AHNAK2: variants seen among roughly 807,000 people sequenced by gnomAD.
The protein encoded by AHNAK2 is protein AHNAK2.
AHNAK2 carries 18 observed loss-of-function variants against 30.7 expected under a neutral mutation model. The observed-to-expected ratio is 0.59, with a 90% confidence interval of 0.41 to 0.87. The LOEUF is 0.87. Among genes scored for constraint, AHNAK2 ranks in the 40% least tolerant of loss-of-function variants. The pLI is 0.00. For synonymous variants in AHNAK2, 3,590 were observed against 3,073.8 expected, an observed-to-expected ratio of 1.17 and a Z score of -5.56; for missense variants, 8,604 against 7,373.0, an observed-to-expected ratio of 1.17 and a Z score of -6.11.
chr14:104,948,029 C>G lies in AHNAK2; in HGVS notation c.7422G>C (p.Lys2474Asn), dbSNP rs1313489780. ...WLEGDLSVADKDVTTKDSRFK... is the reference protein window; with the variant it reads ...WLEGDLSVADNDVTTKDSRFK... Reference sequence around the variant, plus strand: ...ACCTGCTGTCTTTGGTAGTCACATCCTTGTCCGCCACAGACAGGTCCCCCT... The same window carrying G: ...ACCTGCTGTCTTTGGTAGTCACATCGTTGTCCGCCACAGACAGGTCCCCCT... The change falls in exon 7 of 7, where the codon AAG becomes AAC. Residue 2474 changes from lysine (K) to asparagine (N), a missense_variant. Lys to Asn is a moderately conservative substitution (Grantham distance 94). Coordinates refer to ENST00000333244, the MANE Select transcript of AHNAK2 (RefSeq NM_138420.4). The G allele has an allele frequency of 6.2e-7, 1 of 1,612,796 alleles. No homozygotes were observed. The highest frequency in any genetic ancestry group is 2.2e-5 in the East Asian group (1 of 44,798).
chr14:104,941,713 C>T lies in AHNAK2; in HGVS notation c.13738G>A (p.Ala4580Thr), dbSNP rs751510737. 2 of 1,613,680 alleles carry T rather than the reference C, an allele frequency of 1.2e-6. No homozygotes were observed. Among genetic ancestry groups the T allele is most frequent in the Non-Finnish European group, 8.5e-7 (1 of 1,179,878 alleles). ...TCCACATCGGGGGCCATCACCTCTGCCTTTGGGCCTTTCAGGTCCAGCTTG... is the reference window on the plus strand; with the variant it reads ...TCCACATCGGGGGCCATCACCTCTGTCTTTGGGCCTTTCAGGTCCAGCTTG... The part of the protein sequence containing the change: ...GPKLDLKGPK[A>T]EVMAPDVEVS... The change falls in exon 7 of 7, where the codon GCA becomes ACA. Residue 4580 changes from alanine (A) to threonine (T), a missense_variant. Transcript: ENST00000333244.
Position 104,955,599 on chromosome 14 carries a change from G to A in AHNAK2, c.350C>T (p.Thr117Ile). ...VQEATEVTLK[T>I]EVEAGASGYS... Reference sequence around the variant, plus strand: ...GCCACTGGCTCCTGCCTCCACCTCTGTCTTCAGCGTCACCTCTGTTGCCTC... The same window carrying A: ...GCCACTGGCTCCTGCCTCCACCTCTATCTTCAGCGTCACCTCTGTTGCCTC... The change falls in exon 5 of 7, where the codon ACA becomes ATA. Residue 117 changes from threonine (T) to isoleucine (I), a missense_variant. Physicochemically the swap from Thr to Ile is moderately conservative, Grantham distance 89 (BLOSUM62 -1). Transcript: ENST00000333244. 6.2e-7 allele frequency: 1 copy of A among 1,613,660 alleles called. No homozygotes were observed. The highest frequency in any genetic ancestry group is 8.5e-7 in the Non-Finnish European group (1 of 1,179,802).
At chr14:104,972,640 C>T (rs963239295) in intron 1 of AHNAK2, among the ~76,000 whole-genome samples, 35 of 152,238 alleles carry the variant, frequency 2.3e-4, no homozygotes, top group African/African-American at 6.0e-4. Context: ...CAGTGTGGTC[C>T]GCCAAGCCCT....
chr14:104,956,499 C>T, intron 4 of AHNAK2, 89 bp downstream of exon 4: 6 of 1,367,302 alleles, frequency 4.4e-6, no homozygotes, highest in Non-Finnish European at 5.2e-6. Flanking sequence ...CTCTTTGCTC[C>T]TCCCCTGCCT....
Position 104,937,312 on chromosome 14 carries a change from A to G in AHNAK2, c.*751T>C, listed in dbSNP as rs572123055. On this transcript the variant is annotated 3_prime_UTR_variant, in exon 7 of 7. Coordinates refer to ENST00000333244, the MANE Select transcript of AHNAK2 (RefSeq NM_138420.4). ...GAACAGCCAAGCCAGCTCCATCTGC[A>G]TTCTGGCTGCAGCGTGTACATTAGG... is the stretch of plus-strand genomic sequence containing the variant. 103 of 152,386 alleles carry G rather than the reference A, an allele frequency of 6.8e-4. No individual in the cohort carries two copies. Among genetic ancestry groups the G allele is most frequent in the African/African-American group, 2.4e-3 (99 of 41,574 alleles). 9.4% of individuals were successfully genotyped at this position (152,386 alleles called of 1,614,324 possible).
At position 104,945,281 on chromosome 14, in the gene AHNAK2, G is replaced by T. The variant is rs369822668; in HGVS notation, c.10170C>A (p.His3390Gln). The change falls in exon 7 of 7, where the codon CAC (histidine) becomes CAA (glutamine). Residue 3390 changes from histidine to glutamine, a missense_variant. By Grantham distance (24) the His-to-Gln change is conservative (BLOSUM62 0). Coordinates refer to ENST00000333244, the MANE Select transcript of AHNAK2 (RefSeq NM_138420.4). Reference sequence around the variant, plus strand: ...AACTGGGCATCTCCACCTTGGGCAGGTGCCCTTTGAGGCCAGCTCCCTCGG... The same window carrying T: ...AACTGGGCATCTCCACCTTGGGCAGTTGCCCTTTGAGGCCAGCTCCCTCGG... The part of the protein sequence containing the change: ...HVPEGAGLKG[H>Q]LPKVEMPSFK... The T allele has an allele frequency of 2.7e-5, 44 of 1,613,050 alleles. No individual in the cohort carries two copies. Among genetic ancestry groups the T allele is most frequent in the Non-Finnish European group, 3.6e-5 (43 of 1,179,576 alleles).
chr14:104,965,383 A>G (rs1453396708), intron 1 of AHNAK2, among the ~76,000 whole-genome samples: 2 of 147,816 alleles, frequency 1.4e-5, no homozygotes, highest in Admixed American at 6.8e-5. Flanking sequence ...CCTCAGCAAC[A>G]AAAGCAAAAC....
At position 104,954,355 on chromosome 14, in the gene AHNAK2, G is replaced by A. The variant is rs764237262; in HGVS notation, c.1096C>T (p.Leu366Phe). ...CCTGTGGCAGCCCCAGTCTCCTCGA[G>A]GCTATCACCCCAGGGCCCCAACTCT... ...LEELGPWGDSLEETGAATGSR... is the reference protein window; with the variant it reads ...LEELGPWGDSFEETGAATGSR... Residue 366 changes from leucine to phenylalanine, a missense_variant, in exon 7 of 7, where the codon CTC becomes TTC. Coordinates refer to ENST00000333244, the MANE Select transcript of AHNAK2 (RefSeq NM_138420.4). This position sits in a 1 kb window ranked among gnomAD's most constrained non-coding sequence, Gnocchi z 4.3. 6.2e-7 allele frequency: 1 copy of A among 1,613,374 alleles called. No homozygotes were observed.
At position 104,939,214 on chromosome 14, in the gene AHNAK2, C is replaced by A; in HGVS notation, c.16237G>T (p.Val5413Leu). Residue 5413 changes from valine (V) to leucine (L), a missense_variant, in exon 7 of 7, where the codon GTG becomes TTG. By Grantham distance (32) the Val-to-Leu change is conservative (BLOSUM62 1). Transcript: ENST00000333244. ...TCAATATTGGCCTCTGGACACTGCACTTCCCTCACAGTGGGGATGAACACA... is the reference window on the plus strand; with the variant it reads ...TCAATATTGGCCTCTGGACACTGCAATTCCCTCACAGTGGGGATGAACACA... ...DDVFIPTVRE[V>L]QCPEANIDTA... 6.2e-7 allele frequency: 1 copy of A among 1,613,880 alleles called. No individual in the cohort carries two copies. Among genetic ancestry groups the A allele is most frequent in the Non-Finnish European group, 8.5e-7 (1 of 1,179,898 alleles).
At chr14:104,973,967 C>A (rs764922750) in intron 1 of AHNAK2, among the ~76,000 whole-genome samples, 1 of 152,324 alleles carries the variant, frequency 6.6e-6, no homozygotes, top group East Asian at 1.9e-4. Context: ...TACCGCCTCC[C>A]GCCCCAGCCC....
Position 104,949,823 on chromosome 14 carries a change from A to G in AHNAK2, c.5628T>C (p.Pro1876=), listed in dbSNP as rs1263875722. The change falls in exon 7 of 7, where the codon CCT becomes CCC. Residue 1876 remains proline, a synonymous_variant. Transcript: ENST00000333244. ...CAGCCTGGACCACCAGGTCTGCAGAAGGGAGCGGAATGCAGAGGTCCGTGG... is the reference window on the plus strand; with the variant it reads ...CAGCCTGGACCACCAGGTCTGCAGAGGGGAGCGGAATGCAGAGGTCCGTGG... The part of the protein sequence containing the change: ...LKTTDLCIPL[P]SADLVVQAGQ... The G allele has an allele frequency of 1.3e-6, 2 of 1,586,752 alleles. 1 individual carries two copies. The highest frequency in any genetic ancestry group is 1.7e-6 in the Non-Finnish European group (2 of 1,162,924).
At position 104,949,081 on chromosome 14, in the gene AHNAK2, G is replaced by C. The variant is rs376766688; in HGVS notation, c.6370C>G (p.Gln2124Glu). ...CTATCCAGCTTGGCTCTTGGGGCCT[G>C]GACGTCCACCTCCATGCTGGGCAGA... ...VSLPSMEVDV[Q>E]APRAKLDSAH... is the part of the protein sequence containing the mutation. The change falls in exon 7 of 7, where the codon CAG becomes GAG. Residue 2124 changes from glutamine (Q) to glutamate (E), a missense_variant. Transcript: ENST00000333244. 392 of 1,066,388 alleles carry C rather than the reference G, an allele frequency of 3.7e-4. 51 individuals are homozygous for C. The African/African-American group carries it at 4.7e-3, about 13-fold the overall frequency. The allele number at this position is 1,066,388 out of a possible 1,614,324, so 66.1% of individuals were successfully genotyped here. A position where few individuals can be genotyped will look rare whatever the true frequency, so the allele number is the denominator to read the frequency against.
rs376525989 is a variant in AHNAK2, at chr14:104,946,490, C to G, written c.8961G>C (p.Ser2987=). 1.2e-5 allele frequency: 19 copies of G among 1,609,506 alleles called. No individual in the cohort carries two copies. The highest frequency in any genetic ancestry group is 6.7e-5 in the Admixed American group (4 of 59,648). ...KFKMPKFKMP[S]FGVSAPGKSI... ...ACTTGCCTGGGGCAGACACCCCGAA[C>G]GACGGCATCTTGAACTTGGGCATTT... Residue 2987 remains serine, a synonymous_variant, in exon 7 of 7, where the codon TCG becomes TCC. Coordinates refer to ENST00000333244, the MANE Select transcript of AHNAK2 (RefSeq NM_138420.4).
Position 104,952,235 on chromosome 14 carries a change from G to C in AHNAK2, c.3216C>G (p.Pro1072=), listed in dbSNP as rs2582502. The change falls in exon 7 of 7, where the codon CCC becomes CCG. Residue 1072 remains proline, a synonymous_variant. Coordinates refer to ENST00000333244, the MANE Select transcript of AHNAK2 (RefSeq NM_138420.4). ...AGTGCCCTTTAAGGCCAGCTCCCTC[G>C]GGCAGGTGGCCCTCCGGGAGCTTCA... is the stretch of plus-strand genomic sequence containing the variant. ...VDVKLPEGHL[P]EGAGLKGHLP... is the part of the protein sequence containing the mutation. 1.5e-4 allele frequency: 236 copies of C among 1,612,058 alleles called. No homozygotes were observed. Among genetic ancestry groups the C allele is most frequent in the Non-Finnish European group, 1.9e-4 (221 of 1,179,542 alleles).
At position 104,955,120 on chromosome 14, in the gene AHNAK2, G is replaced by A. The variant is rs1336709319; in HGVS notation, c.488C>T (p.Thr163Ile). The change falls in exon 6 of 7, where the codon ACC becomes ATC. Residue 163 changes from threonine to isoleucine, a missense_variant. Transcript: ENST00000333244. ...ATATTTTATGTTTTCAAAGAACACG[G>A]TTGTACTGAGCAGCTGATCCCCTAG... ...LREGDQLLST[T>I]VFFENIKYED... 1.9e-6 allele frequency: 3 copies of A among 1,611,298 alleles called. No homozygotes were observed. Among genetic ancestry groups the A allele is most frequent in the Admixed American group, 3.3e-5 (2 of 59,982 alleles).
Position 104,942,984 on chromosome 14 carries a change from A to G in AHNAK2, c.12467T>C (p.Val4156Ala), listed in dbSNP as rs1898065069. The part of the protein sequence containing the change: ...SAPGKSMEAS[V>A]DVSELKAKAD... ...TTTCGCCTTCAGCTCAGACACATCC[A>G]CGGACGCCTCCATGGACTTGCCTGG... Residue 4156 changes from valine (V) to alanine (A), a missense_variant, in exon 7 of 7, where the codon GTG becomes GCG. Val to Ala is a moderately conservative substitution (Grantham distance 64). Transcript: ENST00000333244. The G allele has an allele frequency of 6.2e-7, 1 of 1,612,916 alleles. No individual in the cohort carries two copies. Among genetic ancestry groups the G allele is most frequent in the African/African-American group, 1.3e-5 (1 of 74,754 alleles).
At position 104,952,318 on chromosome 14, in the gene AHNAK2, C is replaced by G. The variant is rs199655560; in HGVS notation, c.3133G>C (p.Asp1045His). ...PSMQGDLKTT[D>H]LSIQPASTDL... ...GTAGAAGCAGGCTGAATGCTGAGGT[C>G]AGTGGTCTTCAGGTCCCCCTGCATG... is the stretch of plus-strand genomic sequence containing the variant. Residue 1045 changes from aspartate (D) to histidine (H), a missense_variant, in exon 7 of 7, where the codon GAC becomes CAC. Coordinates refer to ENST00000333244, the MANE Select transcript of AHNAK2 (RefSeq NM_138420.4). The G allele has an allele frequency of 3.7e-6, 6 of 1,611,670 alleles. No individual in the cohort carries two copies. Among genetic ancestry groups the G allele is most frequent in the Non-Finnish European group, 5.1e-6 (6 of 1,178,892 alleles).
Position 104,952,586 on chromosome 14 carries a change from G to C in AHNAK2, c.2865C>G (p.Pro955=), listed in dbSNP as rs758057560. 29 of 1,612,270 alleles carry C rather than the reference G, an allele frequency of 1.8e-5. No individual in the cohort carries two copies. Among genetic ancestry groups the C allele is most frequent in the Non-Finnish European group, 2.3e-5 (27 of 1,179,514 alleles). Residue 955 remains proline, a synonymous_variant, in exon 7 of 7, where the codon CCC becomes CCG. Transcript: ENST00000333244. ...LKGPKAEVTA[P]DGEVSLPSME... ...TGCTGGGCAGAGACACCTCGCCATC[G>C]GGGGCTGTCACTTCCGCCTTGGGGC...
Position 104,948,598 on chromosome 14 carries a change from C to A in AHNAK2, c.6853G>T (p.Glu2285Ter), listed in dbSNP as rs1228319928. Residue 2285 changes from glutamate to a stop codon, truncating the protein, a stop_gained, in exon 7 of 7, where the codon GAG becomes TAG. Coordinates refer to ENST00000333244, the MANE Select transcript of AHNAK2 (RefSeq NM_138420.4). LOFTEE classifies it low-confidence loss of function (END_TRUNC). ...GCTCCTGGGGCCTTGACGTCCACCTCCACGCTGGGCAGAGACACCTCCACA... is the reference window on the plus strand; with the variant it reads ...GCTCCTGGGGCCTTGACGTCCACCTACACGCTGGGCAGAGACACCTCCACA... Reference protein sequence around the residue: ...PDVEVSLPSVEVDVKAPGAKL... With the variant: ...PDVEVSLPSV 6.2e-7 allele frequency: 1 copy of A among 1,612,830 alleles called. No homozygotes were observed. Among genetic ancestry groups the A allele is most frequent in the Non-Finnish European group, 8.5e-7 (1 of 1,179,808 alleles).
Sources: gnomAD v4.1 joint callset for allele counts (sites outside exome capture counted in the v4.1 genomes callset) on GRCh38, gnomAD v4.1.1 for gene constraint, Gnocchi (gnomAD v3.1) non-coding constraint, MANE v1.5 for transcripts, NCBI Gene and HGNC (gene_info 2026-07-23, HGNC 2026-07-21) for gene names.